The following DLG2 variants were observed in gnomAD, a reference collection of about 807,000 sequenced individuals.
DLG2 encodes disks large homolog 2.
Under a neutral mutation model 132.5 loss-of-function variants are expected in DLG2, and 45 were observed. That is an observed-to-expected ratio of 0.34 (90% confidence interval 0.27 to 0.44). The LOEUF is 0.44. DLG2 is among the 20% of genes least tolerant of loss of function. The probability of loss-of-function intolerance (pLI) is 1.00; values close to 1 mark genes in which losing one functional copy is unlikely to be tolerated. For missense variants in DLG2, 1,045 were observed against 1,196.9 expected (o/e 0.87, Z 1.87); for synonymous variants, 424 against 419.6 (o/e 1.01, Z -0.13).
chr11:84,564,945 T>C (rs1173163662), intron 6 of DLG2, among the ~76,000 whole-genome samples: 1 of 152,204 alleles, frequency 6.6e-6, no homozygotes, highest in Non-Finnish European at 1.5e-5. Context: ...GACTGTGTGA[T>C]ACATAAAAAT....
At chr11:84,168,467 A>G (rs2095726147) in intron 8 of DLG2, among the ~76,000 whole-genome samples, 1 of 152,226 alleles carries the variant, frequency 6.6e-6, no homozygotes, top group Non-Finnish European at 1.5e-5. Context: ...TGTGATCATC[A>G]TGCAAATTGG....
intron 18 of DLG2, among the ~76,000 whole-genome samples, chr11:83,640,477 C>T (rs1434487526): frequency 1.3e-5 from 2 of 152,124 alleles, no homozygotes; most frequent in South Asian, 2.1e-4. Context: ...AATCACTGCT[C>T]CAGGGATGAG....
chr11:84,349,303 T>C (rs1418245651), intron 7 of DLG2, among the ~76,000 whole-genome samples: 1 of 152,168 alleles, frequency 6.6e-6, no homozygotes, highest in Non-Finnish European at 1.5e-5. Context: ...TAAAGCAGGA[T>C]GTACTATGGC....
At chr11:84,123,552 C>T (rs913731329) in intron 9 of DLG2, among the ~76,000 whole-genome samples, 6 of 152,114 alleles carry the variant, frequency 3.9e-5, no homozygotes, top group Non-Finnish European at 7.4e-5. Flanking sequence ...ATCTAAGCTC[C>T]TCTGCTCCGG....
At chr11:84,538,953 A>G (rs923934804) in intron 6 of DLG2, among the ~76,000 whole-genome samples, 1 of 152,172 alleles carries the variant, frequency 6.6e-6, no homozygotes. Flanking sequence ...ATATAGCAGA[A>G]TTTCTCTGCT....
intron 11 of DLG2, among the ~76,000 whole-genome samples, chr11:84,024,145 A>T (rs1478472623): frequency 6.6e-6 from 1 of 152,168 alleles, no homozygotes; most frequent in African/African-American, 2.4e-5. Context: ...GGTCAACAAT[A>T]CATGCTTTCC....
At chr11:85,429,455 A>G (rs1244797900) in intron 3 of DLG2, among the ~76,000 whole-genome samples, 1 of 152,124 alleles carries the variant, frequency 6.6e-6, no homozygotes, top group Non-Finnish European at 1.5e-5. Context: ...TTTGCTATCT[A>G]CTCATCTAAC....
chr11:85,053,446 T>C (rs963830331), intron 6 of DLG2, among the ~76,000 whole-genome samples: 3 of 151,910 alleles, frequency 2.0e-5, no homozygotes, highest in Admixed American at 1.3e-4. Flanking sequence ...GCATATAGTA[T>C]AAACTTTATC....
chr11:84,500,415 T>A (rs1346023634), intron 7 of DLG2, among the ~76,000 whole-genome samples: 1 of 151,008 alleles, frequency 6.6e-6, no homozygotes, highest in Non-Finnish European at 1.5e-5. Context: ...AATCTACTGC[T>A]GGAGAATTTG....
intron 19 of DLG2, among the ~76,000 whole-genome samples, chr11:83,543,828 C>T (rs2096157814): frequency 1.3e-5 from 2 of 152,096 alleles, no homozygotes; most frequent in African/African-American, 2.4e-5. Context: ...ATGTAGCAGG[C>T]CTGAGACTGC....
At chr11:84,610,131 C>T (rs544894879) in intron 6 of DLG2, among the ~76,000 whole-genome samples, 2 of 152,050 alleles carry the variant, frequency 1.3e-5, no homozygotes, top group African/African-American at 2.4e-5. Context: ...TGATGAAATA[C>T]ATAAAATGAG....
At chr11:84,420,721 T>C (rs1215710236) in intron 7 of DLG2, among the ~76,000 whole-genome samples, 1 of 128,044 alleles carries the variant, frequency 7.8e-6, no homozygotes, top group Admixed American at 9.3e-5. Flanking sequence ...CAGGCTGGAG[T>C]GCAGTGGCGG....
chr11:85,113,133 T>C (rs538739016), intron 5 of DLG2, among the ~76,000 whole-genome samples: 52 of 152,014 alleles, frequency 3.4e-4, no homozygotes, highest in Non-Finnish European at 6.5e-4. Flanking sequence ...AAGCAAAATA[T>C]GATATGCAGC....
At chr11:84,515,990 G>T (rs1387597250) in intron 7 of DLG2, among the ~76,000 whole-genome samples, 2 of 102,720 alleles carry the variant, frequency 1.9e-5, no homozygotes, top group Admixed American at 1.9e-4. Context: ...CTTGAACAAT[G>T]AGTTAATTAA....
intron 3 of DLG2, among the ~76,000 whole-genome samples, chr11:85,515,608 T>G (rs2094155210): frequency 6.6e-6 from 1 of 151,996 alleles, no homozygotes; most frequent in Non-Finnish European, 1.5e-5. Flanking sequence ...CCATTATTAT[T>G]GATTTTCAGA....
chr11:85,436,447 T>C (rs2153022768), intron 3 of DLG2, among the ~76,000 whole-genome samples: 1 of 152,072 alleles, frequency 6.6e-6, no homozygotes, highest in African/African-American at 2.4e-5. Context: ...TACAAGGAAC[T>C]TAAACAAATT....
chr11:83,507,761 TATATATATATATA>T (rs1565536367), intron 21 of DLG2, among the ~76,000 whole-genome samples: 147 of 12,954 alleles, frequency 0.011, no homozygotes, highest in African/African-American at 0.032. Flanking sequence ...ATTTTTATTA[TATATATATATATA>T]TATATATATA....
chr11:85,161,910 T>C (rs2152474419), intron 4 of DLG2, among the ~76,000 whole-genome samples: 1 of 152,284 alleles, frequency 6.6e-6, no homozygotes, highest in East Asian at 1.9e-4. Flanking sequence ...GGTCCAGGAA[T>C]CAAGGGGTGG....
At chr11:84,244,930 CATAAGA>C (rs1271104257) in intron 8 of DLG2, among the ~76,000 whole-genome samples, 1 of 152,140 alleles carries the variant, frequency 6.6e-6, no homozygotes, top group Non-Finnish European at 1.5e-5. Flanking sequence ...TAGCCTAAAT[CATAAGA>C]ATATGTTATT....
Sources: gnomAD v4.1 joint callset for allele counts (sites outside exome capture counted in the v4.1 genomes callset) on GRCh38, gnomAD v4.1.1 for gene constraint, MANE v1.5 for transcripts, NCBI Gene and HGNC (gene_info 2026-07-23, HGNC 2026-07-21) for gene names.